Variants in NOX4 observed in about 807,000 individuals in gnomAD.
The protein encoded by NOX4 is kidney oxidase-1.
NOX4 carries 69 observed loss-of-function variants against 87.6 expected under a neutral mutation model. The observed-to-expected ratio is 0.79, with a 90% CI of 0.65 to 0.96. The LOEUF (loss-of-function observed/expected upper bound fraction) is 0.96. Among genes scored for constraint, NOX4 ranks in the 40% least tolerant of loss-of-function variants. The pLI is 0.00. For synonymous variants in NOX4, 275 were observed against 238.2 expected, an observed-to-expected ratio of 1.15 and a Z score of -1.42; for missense variants, 680 against 681.5, an observed-to-expected ratio of 1.00 and a Z score of 0.02.
chr11:89,360,467 T>G (rs1257634309), intron 12 of NOX4, among the ~76,000 whole-genome samples: 1 of 152,086 alleles, frequency 6.6e-6, no homozygotes, highest in African/African-American at 2.4e-5. Context: ...TACATAATTT[T>G]ACTTGTCAAT....
intron 7 of NOX4, among the ~76,000 whole-genome samples, chr11:89,427,321 C>T (rs760814240): frequency 2.0e-5 from 3 of 152,104 alleles, no homozygotes; most frequent in East Asian, 1.9e-4. Flanking sequence ...AGCGCCTCTC[C>T]CCCTCCAAAG....
intron 12 of NOX4, among the ~76,000 whole-genome samples, chr11:89,361,455 C>T (rs1029282774): frequency 6.6e-6 from 1 of 151,772 alleles, no homozygotes; most frequent in Non-Finnish European, 1.5e-5. Context: ...AACTCTGGAG[C>T]GGGAATGTTA....
At chr11:89,455,004 C>A (rs10501704) in intron 2 of NOX4, among the ~76,000 whole-genome samples, 2 of 151,896 alleles carry the variant, frequency 1.3e-5, no homozygotes, top group African/African-American at 4.8e-5. Context: ...CTGAAGGATA[C>A]GGAAGGATAA....
the NOX4 span, among the ~76,000 whole-genome samples, chr11:89,511,178 ACAT>A: frequency 2.6e-5 from 4 of 152,042 alleles, no homozygotes. Context: ...ATCTATGCAT[ACAT>A]CATTAAAAGA....
the NOX4 span, among the ~76,000 whole-genome samples, chr11:89,571,938 T>C: frequency 6.6e-6 from 1 of 152,164 alleles, no homozygotes; most frequent in Non-Finnish European, 1.5e-5. Context: ...ACTGCATTGT[T>C]TATGTAAAAA....
intron 13 of NOX4, 71 bp from the exon 14 acceptor site, chr11:89,342,264 A>C (rs974102149): frequency 3.2e-5 from 44 of 1,364,858 alleles, no homozygotes; most frequent in Non-Finnish European, 4.3e-5. Flanking sequence ...ACCATATAGC[A>C]AACATGCTGA....
chr11:89,408,282 G>C (rs951272555), intron 8 of NOX4, among the ~76,000 whole-genome samples: 12 of 152,106 alleles, frequency 7.9e-5, no homozygotes, highest in Admixed American at 2.0e-4. Flanking sequence ...AACAACTTTT[G>C]TTGTGATTGT....
chr11:89,494,062 T>C (rs1024155530), upstream of NOX4, among the ~76,000 whole-genome samples: 1 of 152,176 alleles, frequency 6.6e-6, no homozygotes, highest in Non-Finnish European at 1.5e-5. Flanking sequence ...GCCAACCAGA[T>C]TGTTTAATGA....
the NOX4 span, among the ~76,000 whole-genome samples, chr11:89,567,599 A>G: frequency 5.1e-4 from 78 of 152,318 alleles, no homozygotes; most frequent in African/African-American, 1.7e-3. Flanking sequence ...GAATGAGTGC[A>G]GAGGGAAGGG....
the NOX4 span, among the ~76,000 whole-genome samples, chr11:89,559,817 A>G: frequency 6.6e-6 from 1 of 152,116 alleles, no homozygotes; most frequent in South Asian, 2.1e-4. Context: ...TTGAGCAAAG[A>G]GTGGGCAGAA....
chr11:89,394,162 T>C (rs1001949833), intron 11 of NOX4, among the ~76,000 whole-genome samples: 16 of 152,284 alleles, frequency 1.1e-4, no homozygotes, highest in African/African-American at 3.6e-4. Flanking sequence ...CTGAAAGAAA[T>C]TGATCTAGAA....
chr11:89,461,869 A>G (rs1945484536), intron 2 of NOX4, among the ~76,000 whole-genome samples: 2 of 152,048 alleles, frequency 1.3e-5, no homozygotes, highest in Non-Finnish European at 2.9e-5. Flanking sequence ...ATCTGCCAAG[A>G]GAGAACATAA....
intron 11 of NOX4, among the ~76,000 whole-genome samples, chr11:89,383,071 C>T (rs547940976): frequency 6.6e-5 from 10 of 152,108 alleles, no homozygotes; most frequent in Non-Finnish European, 1.5e-4. Context: ...GAATCGGGCC[C>T]TGAAACCCCA....
At chr11:89,478,550 T>G (rs1173361635) in intron 2 of NOX4, among the ~76,000 whole-genome samples, 5 of 152,174 alleles carry the variant, frequency 3.3e-5, no homozygotes, top group African/African-American at 1.2e-4. Flanking sequence ...CAGGAAAAGG[T>G]GATAGCAGAC....
chr11:89,483,830 C>T (rs1591364396), intron 2 of NOX4, among the ~76,000 whole-genome samples: 1 of 152,060 alleles, frequency 6.6e-6, no homozygotes, highest in Non-Finnish European at 1.5e-5. Flanking sequence ...TCACAATATA[C>T]ACATATTTCA....
intron 13 of NOX4, among the ~76,000 whole-genome samples, chr11:89,346,196 A>T (rs1946208740): frequency 6.6e-6 from 1 of 152,218 alleles, no homozygotes; most frequent in South Asian, 2.1e-4. Flanking sequence ...TGTAATTATT[A>T]TCTAATGCAA....
chr11:89,486,503 C>T (rs1034400769), intron 2 of NOX4, among the ~76,000 whole-genome samples: 3 of 144,264 alleles, frequency 2.1e-5, no homozygotes, highest in Non-Finnish European at 3.0e-5. Flanking sequence ...TGCATATATA[C>T]ACATATATAC....
At chr11:89,411,477 C>T in intron 8 of NOX4, among the ~76,000 whole-genome samples, 1 of 152,050 alleles carries the variant, frequency 6.6e-6, no homozygotes, top group Non-Finnish European at 1.5e-5. Context: ...ACTCCCTGGG[C>T]CAGAGGGGAA....
chr11:89,342,195 T>C lies in NOX4; in HGVS notation c.1218-2A>G, dbSNP rs1852041723. The C allele has an allele frequency of 1.9e-6, 3 of 1,597,460 alleles. No homozygotes were observed. The highest frequency in any genetic ancestry group is 1.8e-5 in the Admixed American group (1 of 56,578). ...CCAAAAGGACCATCAATATACAGCC[T>C]GTAGAGCAGTCAGAAAAAGGTGGGA... On this transcript the variant is annotated splice_acceptor_variant, in intron 13 of 17. Coordinates refer to ENST00000263317, the MANE Select transcript of NOX4 (RefSeq NM_016931.5). LOFTEE classifies it high-confidence loss of function.
Sources: allele counts gnomAD v4.1 joint callset (sites outside exome capture counted in the v4.1 genomes callset), GRCh38; gene constraint gnomAD v4.1.1; transcripts MANE v1.5; gene names NCBI Gene and HGNC (gene_info 2026-07-23, HGNC 2026-07-21).